BANF1: variants seen among roughly 807,000 people sequenced by gnomAD.
The protein encoded by BANF1 is barrier-to-autointegration factor.
For synonymous variants in BANF1, 49 were observed against 43.7 expected (o/e 1.12, Z -0.48); for missense variants, 47 against 110.4 (o/e 0.43, Z 2.57).
At chr11:66,002,637 G>A (rs995906026) in intron 1 of BANF1, 67 bp downstream of exon 1, 11 of 152,120 alleles carry the variant, frequency 7.2e-5, no homozygotes, top group African/African-American at 2.7e-4. Context: ...AAGGGGAGGA[G>A]AGGGGTCGCA....
At chr11:66,002,913 A>C in intron 1 of BANF1, 1 of 367,954 alleles carries the variant, frequency 2.7e-6, no homozygotes, top group Non-Finnish European at 5.2e-6. Context: ...TGGTTCAGCC[A>C]AGGTCACAGA....
chr11:66,003,841 T>C lies in BANF1; in HGVS notation c.*69T>C, dbSNP rs1437149450. On this transcript the variant is annotated 3_prime_UTR_variant, in exon 3 of 3. Coordinates refer to ENST00000312175, the MANE Select transcript of BANF1 (RefSeq NM_003860.4). Reference sequence around the variant, plus strand: ...TGCAGCCGAGTAGGGACTCCTCCCCTGTCCTCTACGAAGGAAAAGATTGCT... The same window carrying C: ...TGCAGCCGAGTAGGGACTCCTCCCCCGTCCTCTACGAAGGAAAAGATTGCT... 1.2e-6 allele frequency: 2 copies of C among 1,604,434 alleles called. No individual in the cohort carries two copies. Among genetic ancestry groups the C allele is most frequent in the African/African-American group, 2.7e-5 (2 of 74,666 alleles).
At position 66,003,749 on chromosome 11, in the gene BANF1, G is replaced by C. The variant is rs1167161527; in HGVS notation, c.247G>C (p.Glu83Gln). 6.2e-7 allele frequency: 1 copy of C among 1,614,118 alleles called. No individual in the cohort carries two copies. Among genetic ancestry groups the C allele is most frequent in the Non-Finnish European group, 8.5e-7 (1 of 1,180,026 alleles). Residue 83 changes from glutamate to glutamine, a missense_variant, in exon 3 of 3, where the codon GAG (glutamate) becomes CAG (glutamine). By Grantham distance (29) the Glu-to-Gln change is conservative (BLOSUM62 2). Transcript: ENST00000312175. The part of the protein sequence containing the change: ...QSRDCFGCLR[E>Q]WCDAFL Reference sequence around the variant, plus strand: ...CCGGGACTGCTTCGGATGCCTTCGAGAGTGGTGCGACGCCTTCTTGTGATG... The same window carrying C: ...CCGGGACTGCTTCGGATGCCTTCGACAGTGGTGCGACGCCTTCTTGTGATG...
rs142270527 is a variant in BANF1 at position 66,004,045 on chromosome 11, C to G, written c.*273C>G. 289 of 477,718 alleles carry G rather than the reference C, an allele frequency of 6.0e-4. No individual in the cohort carries two copies. In the East Asian group the frequency reaches 0.011, roughly 18 times the overall value. 29.6% of individuals were successfully genotyped at this position (477,718 alleles called of 1,614,324 possible). A position where few individuals can be genotyped will look rare whatever the true frequency, so the allele number is the denominator to read the frequency against. On this transcript the variant is annotated 3_prime_UTR_variant, in exon 3 of 3. Transcript: ENST00000312175. Reference sequence around the variant, plus strand: ...GATTCCCGGCCCCATCCCTCACCCCCACCCTCACTTTCAATCCGTTTGATA... The same window carrying G: ...GATTCCCGGCCCCATCCCTCACCCCGACCCTCACTTTCAATCCGTTTGATA...
intron 1 of BANF1, chr11:66,002,925 G>A (rs968215865): frequency 7.9e-5 from 31 of 391,216 alleles, no homozygotes; most frequent in Non-Finnish European, 1.4e-4. Context: ...GGTCACAGAG[G>A]GAGTGATAGC....
intron 2 of BANF1, 23 bp from the exon 3 acceptor site, chr11:66,003,603 C>G (rs770200889): frequency 1.9e-6 from 3 of 1,613,824 alleles, no homozygotes; most frequent in Middle Eastern, 1.6e-4. Flanking sequence ...GCAGCACGCT[C>G]CTTCCTTTTC....
At chr11:66,003,406 G>C (rs753768991) in intron 2 of BANF1, 33 bp downstream of exon 2, 3 of 1,604,272 alleles carry the variant, frequency 1.9e-6, no homozygotes, top group East Asian at 2.2e-5. Context: ...TAGTGCAAGC[G>C]GGGGGTGGAA....
rs1049836920 is a variant in BANF1 at position 66,003,942 on chromosome 11, G to T, written c.*170G>T. 5 of 896,846 alleles carry T rather than the reference G, an allele frequency of 5.6e-6. No homozygotes were observed. Among genetic ancestry groups the T allele is most frequent in the Non-Finnish European group, 8.4e-6 (5 of 592,132 alleles). 55.6% of individuals were successfully genotyped at this position (896,846 alleles called of 1,614,324 possible). On this transcript the variant is annotated 3_prime_UTR_variant, in exon 3 of 3. Transcript: ENST00000312175. Reference sequence around the variant, plus strand: ...CCCTAACCATTTCAACTTTTTTTTGGATTCTCGCTCTTGCATGCCTCCCCC... The same window carrying T: ...CCCTAACCATTTCAACTTTTTTTTGTATTCTCGCTCTTGCATGCCTCCCCC...
chr11:66,003,742 C>T lies in BANF1; in HGVS notation c.240C>T (p.Cys80=), dbSNP rs1856068864. ...AGCAGTCCCGGGACTGCTTCGGATG[C>T]CTTCGAGAGTGGTGCGACGCCTTCT... The part of the protein sequence containing the change: ...NAKQSRDCFG[C]LREWCDAFL The change falls in exon 3 of 3, where the codon TGC becomes TGT. Residue 80 remains cysteine (C), a synonymous_variant. Transcript: ENST00000312175. The T allele has an allele frequency of 3.7e-6, 6 of 1,614,116 alleles. No homozygotes were observed. The highest frequency in any genetic ancestry group is 5.1e-6 in the Non-Finnish European group (6 of 1,180,014).
Position 66,003,808 on chromosome 11 carries a change from C to T in BANF1, c.*36C>T, listed in dbSNP as rs750117956. ...GAAGCTCTCAATCCCCAGCCCTCAT[C>T]CAGAGTTTGCAGCCGAGTAGGGACT... On this transcript the variant is annotated 3_prime_UTR_variant, in exon 3 of 3. Coordinates refer to ENST00000312175, the MANE Select transcript of BANF1 (RefSeq NM_003860.4). 1.2e-6 allele frequency: 2 copies of T among 1,613,400 alleles called. No individual in the cohort carries two copies. Among genetic ancestry groups the T allele is most frequent in the Admixed American group, 1.7e-5 (1 of 60,018 alleles).
chr11:66,003,592 A>G, intron 2 of BANF1, 34 bp from the exon 3 acceptor site: 1 of 1,516,858 alleles, frequency 6.6e-7, no homozygotes, highest in African/African-American at 1.4e-5. Context: ...CTGAGCACTG[A>G]GCAGCACGCT....
At chr11:66,002,722 G>A (rs1290801824) in intron 1 of BANF1, 152 bp downstream of exon 1, 5 of 151,310 alleles carry the variant, frequency 3.3e-5, no homozygotes. Flanking sequence ...GTGGGAGCCG[G>A]GCCGCGGGAA....
chr11:66,003,725 C>T lies in BANF1; in HGVS notation c.223C>T (p.Arg75Trp), dbSNP rs774841174. Residue 75 changes from arginine (R) to tryptophan (W), a missense_variant, in exon 3 of 3, where the codon CGG becomes TGG. Coordinates refer to ENST00000312175, the MANE Select transcript of BANF1 (RefSeq NM_003860.4). The part of the protein sequence containing the change: ...DTCGANAKQS[R>W]DCFGCLREWC... ...TTGTGGCGCCAACGCCAAGCAGTCC[C>T]GGGACTGCTTCGGATGCCTTCGAGA... 4 of 1,614,072 alleles carry T rather than the reference C, an allele frequency of 2.5e-6. No homozygotes were observed. The highest frequency in any genetic ancestry group is 1.7e-5 in the Admixed American group (1 of 60,014).
chr11:66,003,835 C>T lies in BANF1; in HGVS notation c.*63C>T, dbSNP rs1856072147. Reference sequence around the variant, plus strand: ...AGAGTTTGCAGCCGAGTAGGGACTCCTCCCCTGTCCTCTACGAAGGAAAAG... The same window carrying T: ...AGAGTTTGCAGCCGAGTAGGGACTCTTCCCCTGTCCTCTACGAAGGAAAAG... On this transcript the variant is annotated 3_prime_UTR_variant, in exon 3 of 3. Coordinates refer to ENST00000312175, the MANE Select transcript of BANF1 (RefSeq NM_003860.4). 1.2e-6 allele frequency: 2 copies of T among 1,606,062 alleles called. No homozygotes were observed. Among genetic ancestry groups the T allele is most frequent in the Non-Finnish European group, 1.7e-6 (2 of 1,174,888 alleles).
chr11:66,003,676 C>T lies in BANF1; in HGVS notation c.174C>T (p.Leu58=), dbSNP rs1037043092. Residue 58 remains leucine (L), a synonymous_variant, in exon 3 of 3, where the codon CTC becomes CTT. Transcript: ENST00000312175. ...QFLVLKKDED[L]FREWLKDTCG... ...TGGTGCTAAAGAAAGATGAAGACCTCTTCCGGGAATGGCTGAAAGACACTT... is the reference window on the plus strand; with the variant it reads ...TGGTGCTAAAGAAAGATGAAGACCTTTTCCGGGAATGGCTGAAAGACACTT... 5.0e-6 allele frequency: 8 copies of T among 1,614,028 alleles called. No individual in the cohort carries two copies. The African/African-American group carries it at 6.7e-5, about 13-fold the overall frequency.
chr11:66,003,072 T>C, intron 1 of BANF1, 163 bp from the exon 2 acceptor site: 1 of 733,122 alleles, frequency 1.4e-6, no homozygotes, highest in Non-Finnish European at 2.4e-6. Context: ...TTAAAAATAG[T>C]AGGGAAGAGT....
rs1380361446 is a variant in BANF1, at chr11:66,004,128, A to G, written c.*356A>G. 8.5e-6 allele frequency: 3 copies of G among 352,754 alleles called. No homozygotes were observed. The highest frequency in any genetic ancestry group is 4.3e-5 in the African/African-American group (2 of 47,040). The allele number at this position is 352,754 out of a possible 1,614,324, so 21.9% of individuals were successfully genotyped here. A position where few individuals can be genotyped will look rare whatever the true frequency, so the allele number is the denominator to read the frequency against. On this transcript the variant is annotated 3_prime_UTR_variant, in exon 3 of 3. Transcript: ENST00000312175. ...TGTCCTTGTAAAGTTTTTTAGATCAATAAAGTCAGTGGCTTTCATGACTGG... is the reference window on the plus strand; with the variant it reads ...TGTCCTTGTAAAGTTTTTTAGATCAGTAAAGTCAGTGGCTTTCATGACTGG...
chr11:66,003,478 G>A (rs1856058999), intron 2 of BANF1, 105 bp downstream of exon 2: 2 of 1,608,710 alleles, frequency 1.2e-6, no homozygotes, highest in Admixed American at 1.7e-5. Context: ...GGCTGCCAGA[G>A]CCTGGGCACC....
At chr11:66,003,585 A>T in intron 2 of BANF1, 41 bp from the exon 3 acceptor site, 1 of 479,748 alleles carries the variant, frequency 2.1e-6, no homozygotes, top group South Asian at 3.5e-5. Context: ...TCTCTCACTG[A>T]GCACTGAGCA....
Sources: gnomAD v4.1 joint callset for allele counts on GRCh38, gnomAD v4.1.1 for gene constraint, MANE v1.5 for transcripts, NCBI Gene and HGNC (gene_info 2026-07-23, HGNC 2026-07-21) for gene names.